Variants in CLEC2A observed in about 807,000 individuals in gnomAD.
CLEC2A encodes keratinocyte-associated C-type lectin.
CLEC2A carries 19 observed loss-of-function variants against 18.6 expected under a neutral mutation model. The ratio of observed to expected loss-of-function variants is 1.02; its 90% CI spans 0.71 to 1.50. The LOEUF is 1.50. Among genes scored for constraint, CLEC2A ranks in the 40% most tolerant of loss-of-function variants. CLEC2A has a pLI of 0.00. For missense variants in CLEC2A, 190 were observed against 207.9 expected (o/e 0.91, Z 0.53); for synonymous variants, 74 against 64.0 (o/e 1.16, Z -0.75).
the CLEC2A span, among the ~76,000 whole-genome samples, chr12:9,883,674 C>T: frequency 6.6e-6 from 1 of 152,120 alleles, no homozygotes; most frequent in African/African-American, 2.4e-5. Context: ...TTTGCTTGAA[C>T]AGCAGAAATA....
downstream of CLEC2A, among the ~76,000 whole-genome samples, chr12:9,909,597 G>A (rs909897425): frequency 1.3e-5 from 2 of 152,214 alleles, no homozygotes; most frequent in African/African-American, 4.8e-5. Context: ...CATTTATGAA[G>A]CTGATGGCAC....
At chr12:9,903,986 G>A (rs1862871605) in intron 4 of CLEC2A, among the ~76,000 whole-genome samples, 1 of 152,156 alleles carries the variant, frequency 6.6e-6, no homozygotes, top group African/African-American at 2.4e-5. Flanking sequence ...TGCAAGTGCT[G>A]CTCTGCTCCA....
intron 4 of CLEC2A, among the ~76,000 whole-genome samples, chr12:9,904,068 C>A (rs561123615): frequency 6.6e-6 from 1 of 152,296 alleles, no homozygotes; most frequent in Non-Finnish European, 1.5e-5. Flanking sequence ...TGGATCAGGG[C>A]AGACTGATTG....
At chr12:9,922,546 G>C (rs1863191583) in intron 2 of CLEC2A, among the ~76,000 whole-genome samples, 1 of 152,182 alleles carries the variant, frequency 6.6e-6, no homozygotes, top group Admixed American at 6.5e-5. Flanking sequence ...AATCAAGGTA[G>C]AGTGCTGGAG....
At position 9,906,020 on chromosome 12, in the gene CLEC2A, G is replaced by GTTTTTT. The variant is rs367651590; in HGVS notation, c.411-7045_411-7044insAAAAAA. Among the ~76,000 whole-genome samples, 110 of 83,076 alleles carry GTTTTTT rather than the reference G, an allele frequency of 1.3e-3. 2 individuals are homozygous for GTTTTTT. Among genetic ancestry groups the GTTTTTT allele is most frequent in the Middle Eastern group, 6.3e-3 (1 of 158 alleles). 54.5% of individuals were successfully genotyped at this position (83,076 alleles called of 152,430 possible). On this transcript the variant is annotated intron_variant, in intron 4 of 4. Transcript: ENST00000339766. ...TGATTTTCTTGGAGCCCACTTATTA[G>GTTTTTT]TTTTGTTTTTTTTTTTTTTACATAT...
the CLEC2A span, among the ~76,000 whole-genome samples, chr12:9,882,479 TTAAA>T: frequency 6.6e-6 from 1 of 152,192 alleles, no homozygotes; most frequent in Non-Finnish European, 1.5e-5. Flanking sequence ...ACCATTGGTG[TTAAA>T]TTGACTGAGG....
At chr12:9,917,472 T>C (rs930770346) in intron 3 of CLEC2A, among the ~76,000 whole-genome samples, 1 of 152,218 alleles carries the variant, frequency 6.6e-6, no homozygotes, top group Non-Finnish European at 1.5e-5. Context: ...AACTTCTGTG[T>C]TAAACAGAAC....
chr12:9,910,578 G>C (rs1862969691), downstream of CLEC2A, among the ~76,000 whole-genome samples: 1 of 152,090 alleles, frequency 6.6e-6, no homozygotes, highest in African/African-American at 2.4e-5. Flanking sequence ...TTCTCCTTTT[G>C]TTTTGTACTC....
the CLEC2A span, chr12:9,893,365 A>G: frequency 1.2e-6 from 1 of 853,706 alleles, no homozygotes; most frequent in South Asian, 1.8e-5. Context: ...AGAGACTTAC[A>G]CTATAGAAGG....
At chr12:9,885,054 AT>A in the CLEC2A span, 1 of 910,816 alleles carries the variant, frequency 1.1e-6, no homozygotes, top group Non-Finnish European at 1.5e-6. Flanking sequence ...ATTTTTATTT[AT>A]TTGAACATTT....
intron 3 of CLEC2A, 92 bp downstream of exon 3, chr12:9,921,974 A>T (rs1199721891): frequency 4.6e-6 from 5 of 1,089,742 alleles, no homozygotes. Flanking sequence ...TTGTTCAAGG[A>T]TCAATTGTAT....
intron 4 of CLEC2A, among the ~76,000 whole-genome samples, chr12:9,902,728 T>C (rs1862850919): frequency 6.6e-6 from 1 of 151,924 alleles, no homozygotes; most frequent in African/African-American, 2.4e-5. Flanking sequence ...GCAAGGCAAT[T>C]TACTTCTGTA....
chr12:9,901,583 T>G (rs919327143), intron 4 of CLEC2A, among the ~76,000 whole-genome samples: 4 of 152,160 alleles, frequency 2.6e-5, no homozygotes, highest in Non-Finnish European at 5.9e-5. Context: ...CCTAAACATG[T>G]CAAATAATCC....
the CLEC2A span, among the ~76,000 whole-genome samples, chr12:9,882,088 A>G: frequency 6.6e-6 from 1 of 152,082 alleles, no homozygotes; most frequent in Non-Finnish European, 1.5e-5. Context: ...AGAACAATCT[A>G]CTGGGAATGC....
chr12:9,917,551 G>A (rs1180114261), intron 3 of CLEC2A, among the ~76,000 whole-genome samples: 1 of 152,140 alleles, frequency 6.6e-6, no homozygotes, highest in Non-Finnish European at 1.5e-5. Flanking sequence ...AAAGATAAAA[G>A]TAGACAGACT....
chr12:9,894,151 T>TCC (rs1565524103), downstream of CLEC2A, among the ~76,000 whole-genome samples: 1 of 147,470 alleles, frequency 6.8e-6, no homozygotes, highest in East Asian at 2.1e-4. Flanking sequence ...TCTCTCTCTC[T>TCC]CTCCCTCCCT....
the CLEC2A span, among the ~76,000 whole-genome samples, chr12:9,892,580 CTTTTTTTTTTT>C: frequency 2.9e-5 from 3 of 104,836 alleles, no homozygotes; most frequent in Non-Finnish European, 5.5e-5. Flanking sequence ...TACAGAACTG[CTTTTTTTTTTT>C]TTTTTTTTTT....
chr12:9,881,781 G>A, the CLEC2A span: 6 of 782,602 alleles, frequency 7.7e-6, no homozygotes, highest in Non-Finnish European at 1.2e-5. Context: ...ATATAAAAAT[G>A]GTCATAAATT....
intron 1 of CLEC2A, among the ~76,000 whole-genome samples, chr12:9,930,941 C>T (rs546917943): frequency 1.3e-5 from 2 of 152,076 alleles, no homozygotes; most frequent in South Asian, 2.1e-4. Flanking sequence ...ATTTCAAACA[C>T]TATATTTCTA....
Sources: allele counts gnomAD v4.1 joint callset (sites outside exome capture counted in the v4.1 genomes callset), GRCh38; gene constraint gnomAD v4.1.1; transcripts MANE v1.5; gene names NCBI Gene and HGNC (gene_info 2026-07-23, HGNC 2026-07-21).